CTNND2: variants seen among roughly 807,000 people sequenced by gnomAD.
CTNND2 encodes catenin delta 2.
CTNND2 carries 22 observed loss-of-function variants against 144.4 expected under a neutral mutation model. The observed-to-expected ratio is 0.15, with a 90% CI of 0.11 to 0.22. CTNND2 has a LOEUF of 0.22. Among genes scored for constraint, CTNND2 ranks in the 10% least tolerant of loss-of-function variants. The pLI is 1.00. For synonymous variants in CTNND2, 751 were observed against 695.6 expected (o/e 1.08, Z -1.25); for missense variants, 1,353 against 1,618.8 (o/e 0.84, Z 2.82).
In CTNND2 at chr5:10,988,720, G is replaced by C. The variant is rs1411193909; in HGVS notation, c.3212-478C>G. Among the ~76,000 whole-genome samples, 2 of 152,010 alleles carry C rather than the reference G, an allele frequency of 1.3e-5. No individual in the cohort carries two copies. The highest frequency in any genetic ancestry group is 4.8e-5 in the African/African-American group (2 of 41,350). On this transcript the variant is annotated intron_variant, in intron 19 of 21. Coordinates refer to ENST00000304623, the MANE Select transcript of CTNND2 (RefSeq NM_001332.4). This position sits in a 1 kb window ranked among gnomAD's most constrained non-coding sequence, Gnocchi z 5.9. ...AAATGCAGTTTTACTTAAACACTGA[G>C]TCACCTAGAAACTGCCTTTAAAAAA...
intron 18 of CTNND2, among the ~76,000 whole-genome samples, chr5:10,995,672 G>A (rs1739262667): frequency 6.6e-6 from 1 of 152,134 alleles, no homozygotes; most frequent in South Asian, 2.1e-4. Flanking sequence ...GTGTGCTGAT[G>A]GGAATGACTG....
At chr5:11,825,338 A>G (rs59956582) in intron 1 of CTNND2, among the ~76,000 whole-genome samples, 3,007 of 152,262 alleles carry the variant, frequency 0.02, 140 homozygotes, top group East Asian at 0.2. Flanking sequence ...GTACCTTATC[A>G]GCCTTATCAG....
At chr5:11,264,459 T>C (rs879318866) in intron 9 of CTNND2, among the ~76,000 whole-genome samples, 1 of 152,214 alleles carries the variant, frequency 6.6e-6, no homozygotes, top group Non-Finnish European at 1.5e-5. Context: ...ATAATGGTTT[T>C]ACTGGGTTCA....
intron 2 of CTNND2, among the ~76,000 whole-genome samples, chr5:11,717,561 A>G (rs1786422697): frequency 6.7e-6 from 1 of 150,238 alleles, no homozygotes; most frequent in Non-Finnish European, 1.5e-5. Context: ...TGGGAGACAG[A>G]GCAAGAGACT....
chr5:11,408,185 A>G (rs1341444863), intron 5 of CTNND2, among the ~76,000 whole-genome samples: 1 of 152,102 alleles, frequency 6.6e-6, no homozygotes, highest in Non-Finnish European at 1.5e-5. Flanking sequence ...CTCTTCATAA[A>G]TAGTCCCTTA....
In CTNND2 at chr5:11,716,217, A is replaced by G. The variant is rs180797906; in HGVS notation, c.174+15919T>C. On this transcript the variant is annotated intron_variant, in intron 2 of 21. Transcript: ENST00000304623. ...TATACCAGGTCTGATGTGATACTAC[A>G]TCATTATCAAGTCATAATGTTTCTT... Among the ~76,000 whole-genome samples, 9 of 152,340 alleles carry G rather than the reference A, an allele frequency of 5.9e-5. No individual in the cohort carries two copies. In the East Asian group the frequency reaches 1.5e-3, roughly 26 times the overall value.
At chr5:11,277,711 T>C (rs1177591532) in intron 9 of CTNND2, among the ~76,000 whole-genome samples, 1 of 151,982 alleles carries the variant, frequency 6.6e-6, no homozygotes, top group East Asian at 1.9e-4. Flanking sequence ...TTTGTATTTT[T>C]AGTCGAGTCA....
intron 16 of CTNND2, among the ~76,000 whole-genome samples, chr5:11,034,458 T>C (rs1043487965): frequency 6.6e-6 from 1 of 152,210 alleles, no homozygotes; most frequent in Non-Finnish European, 1.5e-5. Flanking sequence ...GTCCTCTTTT[T>C]GAAAAAACAC....
intron 2 of CTNND2, among the ~76,000 whole-genome samples, chr5:11,577,196 C>A (rs1273158728): frequency 6.6e-6 from 1 of 152,128 alleles, no homozygotes; most frequent in Non-Finnish European, 1.5e-5. Context: ...TATTAGGTAT[C>A]AAATCAACAT....
At chr5:11,446,265 G>A (rs781754448) in intron 3 of CTNND2, among the ~76,000 whole-genome samples, 11 of 152,154 alleles carry the variant, frequency 7.2e-5, no homozygotes, top group Admixed American at 2.0e-4. Context: ...GAGTCACCGT[G>A]CCCAGTACTA....
intron 3 of CTNND2, among the ~76,000 whole-genome samples, chr5:11,456,219 A>C (rs1042585618): frequency 6.6e-6 from 1 of 152,060 alleles, no homozygotes; most frequent in Non-Finnish European, 1.5e-5. Context: ...GATGTGCCCC[A>C]AGGGAAGAAG....
At chr5:11,883,047 A>G (rs1008480877) in intron 1 of CTNND2, among the ~76,000 whole-genome samples, 2 of 152,064 alleles carry the variant, frequency 1.3e-5, no homozygotes, top group African/African-American at 4.8e-5. Context: ...ATGTATTCCT[A>G]AGATTGGGGG....
rs189321691 is a variant in CTNND2, at chr5:11,741,855, G to A, written c.38-9583C>T. On this transcript the variant is annotated intron_variant, in intron 1 of 21. Coordinates refer to ENST00000304623, the MANE Select transcript of CTNND2 (RefSeq NM_001332.4). ...AGTATTCATATATATATATATAATG[G>A]AATACTACTCAGCCATAAAAAGGAA... 3.5e-3 allele frequency among the ~76,000 whole-genome samples: 516 copies of A among 147,730 alleles called. 1 individual carries two copies. The highest frequency in any genetic ancestry group is 5.7e-3 in the Non-Finnish European group (386 of 67,240).
chr5:11,295,434 T>A (rs1223126372), intron 9 of CTNND2, among the ~76,000 whole-genome samples: 2 of 152,052 alleles, frequency 1.3e-5, no homozygotes, highest in Non-Finnish European at 2.9e-5. Context: ...TTCAATGCCA[T>A]CCCCATCAAG....
chr5:11,436,962 C>G (rs1203153886), intron 3 of CTNND2, among the ~76,000 whole-genome samples: 1 of 152,144 alleles, frequency 6.6e-6, no homozygotes, highest in Non-Finnish European at 1.5e-5. Flanking sequence ...TCCACTAAAT[C>G]TAAGTATGCT....
intron 11 of CTNND2, among the ~76,000 whole-genome samples, chr5:11,171,093 G>T (rs563294592): frequency 1.3e-5 from 2 of 152,168 alleles, no homozygotes; most frequent in Non-Finnish European, 2.9e-5. Flanking sequence ...GGTGGGGACA[G>T]AGCCAAACTA....
At chr5:11,413,538 C>T (rs1057040246) in intron 3 of CTNND2, among the ~76,000 whole-genome samples, 3 of 152,124 alleles carry the variant, frequency 2.0e-5, no homozygotes, top group African/African-American at 7.2e-5. Context: ...TAGACTAGAA[C>T]TCAGGCATAT....
At chr5:11,843,677 T>C (rs1284628419) in intron 1 of CTNND2, among the ~76,000 whole-genome samples, 1 of 152,208 alleles carries the variant, frequency 6.6e-6, no homozygotes, top group African/African-American at 2.4e-5. Context: ...AAAGCTACAA[T>C]AATGCGACTT....
chr5:11,880,574 TAC>T (rs1735981226), intron 1 of CTNND2, among the ~76,000 whole-genome samples: 1 of 145,680 alleles, frequency 6.9e-6, no homozygotes, highest in African/African-American at 2.5e-5. Flanking sequence ...CTAGTACTAC[TAC>T]TACTACCACT....
Sources: allele counts gnomAD v4.1 joint callset (sites outside exome capture counted in the v4.1 genomes callset), GRCh38; gene constraint gnomAD v4.1.1; non-coding constraint Gnocchi (gnomAD v3.1); transcripts MANE v1.5; gene names NCBI Gene and HGNC (gene_info 2026-07-23, HGNC 2026-07-21).